The following GTF2A1L variants were observed in gnomAD, a reference collection of about 807,000 sequenced individuals.
GTF2A1L encodes the protein general transcription factor IIA subunit 1 like, also known as TFIIA-alpha and beta-like factor.
In GTF2A1L, 48 loss-of-function variants were observed where a neutral mutation model predicts 49.7. The observed-to-expected ratio is 0.97, with a 90% CI of 0.77 to 1.23. The LOEUF (loss-of-function observed/expected upper bound fraction) is 1.23, where lower values mean the gene tolerates loss of function less well. Among genes scored for constraint, GTF2A1L ranks in the 50% most tolerant of loss-of-function variants. GTF2A1L has a pLI of 0.00. For synonymous variants in GTF2A1L, 246 were observed against 193.5 expected (o/e 1.27, Z -2.25); for missense variants, 736 against 564.8 (o/e 1.30, Z -3.07).
rs745337972 is a variant in GTF2A1L at position 48,669,899 on chromosome 2, G to C, written c.1156G>C (p.Glu386Gln). Residue 386 changes from glutamate to glutamine, a missense_variant, in exon 7 of 9, where the codon GAA becomes CAA. Coordinates refer to ENST00000403751, the MANE Select transcript of GTF2A1L (RefSeq NM_006872.5). ...IDGGDLKVPE[E>Q]EADSISNEDS... ...CGGGGGAGATCTGAAGGTACCTGAAGAAGAAGCTGACAGTATTTCAAATGA... is the reference window on the plus strand; with the variant it reads ...CGGGGGAGATCTGAAGGTACCTGAACAAGAAGCTGACAGTATTTCAAATGA... The C allele has an allele frequency of 6.2e-7, 1 of 1,614,088 alleles. No individual in the cohort carries two copies. Among genetic ancestry groups the C allele is most frequent in the Non-Finnish European group, 8.5e-7 (1 of 1,180,008 alleles).
At chr2:48,656,419 T>C (rs1678180018) in intron 6 of GTF2A1L, among the ~76,000 whole-genome samples, 1 of 151,184 alleles carries the variant, frequency 6.6e-6, no homozygotes, top group South Asian at 2.1e-4. Context: ...TATCTTGTAG[T>C]TTTGATATGT....
At position 48,646,612 on chromosome 2, in the gene GTF2A1L, C is replaced by A. The variant is rs1677524630; in HGVS notation, c.548C>A (p.Thr183Asn). The A allele has an allele frequency of 6.2e-7, 1 of 1,614,012 alleles. No individual in the cohort carries two copies. Among genetic ancestry groups the A allele is most frequent in the Non-Finnish European group, 8.5e-7 (1 of 1,180,032 alleles). Residue 183 changes from threonine to asparagine, a missense_variant, in exon 6 of 9, where the codon ACT becomes AAT. Coordinates refer to ENST00000403751, the MANE Select transcript of GTF2A1L (RefSeq NM_006872.5). Reference sequence around the variant, plus strand: ...TTGAATCCATGGTCTCTTCAAGCAACTACTGAAAAATCACAGAGAATTGAA... The same window carrying A: ...TTGAATCCATGGTCTCTTCAAGCAAATACTGAAAAATCACAGAGAATTGAA... The part of the protein sequence containing the change: ...PQLNPWSLQA[T>N]TEKSQRIETV...
In GTF2A1L at chr2:48,645,051, G is replaced by A; in HGVS notation, c.322G>A (p.Ala108Thr). 6.2e-7 allele frequency: 1 copy of A among 1,612,028 alleles called. No homozygotes were observed. Among genetic ancestry groups the A allele is most frequent in the Non-Finnish European group, 8.5e-7 (1 of 1,179,290 alleles). The change falls in exon 5 of 9, where the codon GCA becomes ACA. Residue 108 changes from alanine (A) to threonine (T), a missense_variant. Physicochemically the swap from Ala to Thr is moderately conservative, Grantham distance 58. Transcript: ENST00000403751. Reference protein sequence around the residue: ...TAELGTSNSSANFTFPGYPIH... With the variant: ...TAELGTSNSSTNFTFPGYPIH... The stretch of plus-strand genomic sequence containing the variant: ...TATCTAGGGCACTTCAAACTCCAGT[G>A]CAAACTTTACTTTTCCTGGTTATCC...
In GTF2A1L at chr2:48,629,832, A is replaced by G. The variant is rs1217734661; in HGVS notation, c.247+8542A>G. 1.4e-5 allele frequency among the ~76,000 whole-genome samples: 2 copies of G among 144,752 alleles called. 1 individual carries two copies. The highest frequency in any genetic ancestry group is 3.1e-5 in the Non-Finnish European group (2 of 64,196). The allele number at this position is 144,752 out of a possible 152,430, so 95.0% of individuals were successfully genotyped here. On this transcript the variant is annotated intron_variant, in intron 3 of 8. Transcript: ENST00000403751. ...GTAGGAGTCTAGTTCATTCTTCTGC[A>G]TATGGCTACCAGTTGCCCCATCACC...
At chr2:48,637,050 GA>G (rs1401354611) in intron 3 of GTF2A1L, among the ~76,000 whole-genome samples, 1 of 152,176 alleles carries the variant, frequency 6.6e-6, no homozygotes, top group East Asian at 1.9e-4. Context: ...GATTGTTCTT[GA>G]ACTTAGATGT....
At chr2:48,633,593 G>C (rs1376593288) in intron 3 of GTF2A1L, among the ~76,000 whole-genome samples, 2 of 152,200 alleles carry the variant, frequency 1.3e-5, no homozygotes, top group African/African-American at 4.8e-5. Context: ...TCCATGTGCA[G>C]ATGAGAAAAG....
At chr2:48,652,883 C>T (rs192690230) in intron 6 of GTF2A1L, among the ~76,000 whole-genome samples, 25 of 150,588 alleles carry the variant, frequency 1.7e-4, no homozygotes, top group Admixed American at 1.2e-3. Flanking sequence ...TTGGTAGACA[C>T]GGGGGTTTCA....
rs771710498 is a variant in GTF2A1L at position 48,642,434 on chromosome 2, C to G, written c.280C>G (p.Pro94Ala). ...SLVIPAGRTLPSFTTAELGTS... is the reference protein window; with the variant it reads ...SLVIPAGRTLASFTTAELGTS... ...AGTTATTCCTGCTGGTAGAACTCTTCCAAGTTTTACCACAGCAGAACTGGT... is the reference window on the plus strand; with the variant it reads ...AGTTATTCCTGCTGGTAGAACTCTTGCAAGTTTTACCACAGCAGAACTGGT... The change falls in exon 4 of 9, where the codon CCA (proline) becomes GCA (alanine). Residue 94 changes from proline to alanine, a missense_variant. Coordinates refer to ENST00000403751, the MANE Select transcript of GTF2A1L (RefSeq NM_006872.5). The G allele has an allele frequency of 6.3e-7, 1 of 1,592,764 alleles. No homozygotes were observed. Among genetic ancestry groups the G allele is most frequent in the African/African-American group, 1.3e-5 (1 of 74,744 alleles).
At chr2:48,634,613 T>C (rs934913525) in intron 3 of GTF2A1L, among the ~76,000 whole-genome samples, 1 of 152,208 alleles carries the variant, frequency 6.6e-6, no homozygotes, top group Non-Finnish European at 1.5e-5. Flanking sequence ...CCTTTAATGC[T>C]TGCATGTCTG....
intron 1 of GTF2A1L, among the ~76,000 whole-genome samples, chr2:48,619,684 C>T (rs143379856): frequency 1.1e-4 from 16 of 152,192 alleles, no homozygotes; most frequent in South Asian, 2.1e-4. Context: ...TGTTTCTTGC[C>T]GGTGGAACTT....
At chr2:48,637,053 C>A (rs1676934455) in intron 3 of GTF2A1L, among the ~76,000 whole-genome samples, 1 of 152,130 alleles carries the variant, frequency 6.6e-6, no homozygotes, top group Non-Finnish European at 1.5e-5. Flanking sequence ...TGTTCTTGAA[C>A]TTAGATGTGT....
At position 48,647,060 on chromosome 2, in the gene GTF2A1L, A is replaced by G. The variant is rs781592988; in HGVS notation, c.978+18A>G. On this transcript the variant is annotated intron_variant, in intron 6 of 8. Transcript: ENST00000403751. ...CAGAGAAGGTATAGTTCTGTGTCCA[A>G]CTTCTTGGTATCAGGGGACAGATAG... The G allele has an allele frequency of 4.5e-6, 7 of 1,556,360 alleles. No individual in the cohort carries two copies. Among genetic ancestry groups the G allele is most frequent in the South Asian group, 2.5e-5 (2 of 80,388 alleles).
chr2:48,642,284 T>C, intron 3 of GTF2A1L, 118 bp from the exon 4 acceptor site: 1 of 1,000,540 alleles, frequency 1.0e-6, no homozygotes. Flanking sequence ...AAGTTTAGAA[T>C]TCACCATGGT....
At chr2:48,647,087 G>T (rs2104203800) in intron 6 of GTF2A1L, 45 bp downstream of exon 6, 1 of 1,442,318 alleles carries the variant, frequency 6.9e-7, no homozygotes, top group Non-Finnish European at 9.3e-7. Flanking sequence ...GACAGATAGT[G>T]GCCAGTAACT....
chr2:48,670,570 T>A lies in GTF2A1L; in HGVS notation c.1239+588T>A, dbSNP rs549641016. Among the ~76,000 whole-genome samples, 127 of 152,246 alleles carry A rather than the reference T, an allele frequency of 8.3e-4. 1 individual carries two copies. The highest frequency in any genetic ancestry group is 1.3e-3 in the Non-Finnish European group (88 of 68,008). On this transcript the variant is annotated intron_variant, in intron 7 of 8. Coordinates refer to ENST00000403751, the MANE Select transcript of GTF2A1L (RefSeq NM_006872.5). ...AGAAACATATAGTATCTGCTCTAAT[T>A]CTAGTAAATGTCATAAAATCCAGGT...
At chr2:48,638,369 T>G (rs765314668) in intron 3 of GTF2A1L, among the ~76,000 whole-genome samples, 1 of 152,180 alleles carries the variant, frequency 6.6e-6, no homozygotes, top group East Asian at 1.9e-4. Flanking sequence ...ATCAAAAAGC[T>G]AATCCACCAT....
intron 6 of GTF2A1L, among the ~76,000 whole-genome samples, chr2:48,653,116 G>T (rs1158665602): frequency 6.0e-5 from 9 of 151,114 alleles, no homozygotes; most frequent in Non-Finnish European, 1.2e-4. Flanking sequence ...AGCTACTCGG[G>T]AGGCTGAGGC....
chr2:48,671,644 T>G lies in GTF2A1L; in HGVS notation c.1293T>G (p.Phe431Leu). ...DVSEQDVPDL[F>L]DTDNVIVCQY... ...GTGAACAGGATGTGCCAGACCTGTT[T>G]GACACGGATAATGTTATTGTCTGTC... The change falls in exon 8 of 9, where the codon TTT becomes TTG. Residue 431 changes from phenylalanine (F) to leucine (L), a missense_variant. Phe to Leu is a conservative substitution (Grantham distance 22, BLOSUM62 0). Transcript: ENST00000403751. 1 of 1,613,776 alleles carries G rather than the reference T, an allele frequency of 6.2e-7. No individual in the cohort carries two copies. Among genetic ancestry groups the G allele is most frequent in the Non-Finnish European group, 8.5e-7 (1 of 1,179,736 alleles).
chr2:48,665,827 A>C (rs1449271143), intron 6 of GTF2A1L, among the ~76,000 whole-genome samples: 1 of 152,038 alleles, frequency 6.6e-6, no homozygotes, highest in Non-Finnish European at 1.5e-5. Flanking sequence ...AAGTTGGTTG[A>C]TTGCATTGTC....
Sources: gnomAD v4.1 joint callset for allele counts (sites outside exome capture counted in the v4.1 genomes callset) on GRCh38, gnomAD v4.1.1 for gene constraint, MANE v1.5 for transcripts, NCBI Gene and HGNC (gene_info 2026-07-23, HGNC 2026-07-21) for gene names.